KDELR2: variants seen among roughly 807,000 people sequenced by gnomAD.
KDELR2 encodes ER lumen protein-retaining receptor 2.
In KDELR2, 15 loss-of-function variants were observed where a neutral mutation model predicts 23.9. The observed-to-expected ratio is 0.63, with a 90% CI of 0.42 to 0.97. The LOEUF is 0.97. Ranked by LOEUF, KDELR2 falls within the 50% of genes least tolerant of loss-of-function variation. The probability of loss-of-function intolerance (pLI) is 0.00; values close to 1 mark genes in which losing one functional copy is unlikely to be tolerated. For missense variants in KDELR2, 272 were observed against 254.6 expected (o/e 1.07, Z -0.46); for synonymous variants, 119 against 106.2 (o/e 1.12, Z -0.74).
chr7:6,463,350 T>C (rs573238048), intron 4 of KDELR2, among the ~76,000 whole-genome samples, 175 bp from the exon 5 acceptor site: 1 of 152,244 alleles, frequency 6.6e-6, no homozygotes, highest in Non-Finnish European at 1.5e-5. Flanking sequence ...ACTAAATTCA[T>C]AGTGGCTTTT....
chr7:6,468,545 G>A (rs1053836846), intron 3 of KDELR2, among the ~76,000 whole-genome samples: 7 of 151,674 alleles, frequency 4.6e-5, no homozygotes, highest in African/African-American at 1.5e-4. Context: ...TCGCTCTGTC[G>A]CCAAGGCTGG....
chr7:6,464,307 T>C (rs1424647421), intron 4 of KDELR2, among the ~76,000 whole-genome samples: 2 of 138,892 alleles, frequency 1.4e-5, no homozygotes, highest in African/African-American at 2.7e-5. Flanking sequence ...GATCACGAGG[T>C]TGGGAGTTCA....
rs1785592536 is a variant in KDELR2, at chr7:6,469,951, T to C, written c.193-197A>G. The C allele has an allele frequency of 8.8e-6, 4 of 455,590 alleles. No homozygotes were observed. In the South Asian group the frequency reaches 1.4e-4, roughly 16 times the overall value. The allele number at this position is 455,590 out of a possible 1,614,324, so 28.2% of individuals were successfully genotyped here. On this transcript the variant is annotated intron_variant, in intron 2 of 4. Coordinates refer to ENST00000258739, the MANE Select transcript of KDELR2 (RefSeq NM_006854.4). Reference sequence around the variant, plus strand: ...TCTGAGGCATAACCACCACCAAAATTAGGACACAGAATAGTTCCATCATCC... The same window carrying C: ...TCTGAGGCATAACCACCACCAAAATCAGGACACAGAATAGTTCCATCATCC...
chr7:6,471,857 G>A (rs1785650720), intron 2 of KDELR2, among the ~76,000 whole-genome samples: 1 of 151,916 alleles, frequency 6.6e-6, no homozygotes, highest in South Asian at 2.1e-4. Context: ...TCTTGGGTAT[G>A]TACTTAGGGG....
intron 1 of KDELR2, among the ~76,000 whole-genome samples, chr7:6,483,648 C>A (rs1235975274): frequency 6.6e-6 from 1 of 152,210 alleles, no homozygotes; most frequent in Non-Finnish European, 1.5e-5. Context: ...CAGAGAGGGG[C>A]CACGCCTGTC....
Position 6,484,009 on chromosome 7 carries a change from C to G in KDELR2, c.49G>C (p.Val17Leu). Residue 17 changes from valine to leucine, a missense_variant, in exon 1 of 5, where the codon GTC becomes CTC. Coordinates refer to ENST00000258739, the MANE Select transcript of KDELR2 (RefSeq NM_006854.4). ...TGDLSHLAAIVILLLKIWKTR... is the reference protein window; with the variant it reads ...TGDLSHLAAILILLLKIWKTR... Reference sequence around the variant, plus strand: ...TTCCAGATCTTCAGCAGCAGGATGACGATGGCCGCCAGGTGGGACAGGTCC... The same window carrying G: ...TTCCAGATCTTCAGCAGCAGGATGAGGATGGCCGCCAGGTGGGACAGGTCC... The G allele has an allele frequency of 6.5e-7, 1 of 1,529,292 alleles. No individual in the cohort carries two copies. Among genetic ancestry groups the G allele is most frequent in the South Asian group, 1.2e-5 (1 of 84,416 alleles). The allele number at this position is 1,529,292 out of a possible 1,614,324, so 94.7% of individuals were successfully genotyped here.
intron 3 of KDELR2, among the ~76,000 whole-genome samples, chr7:6,469,049 T>A (rs1785566771): frequency 6.6e-6 from 1 of 151,166 alleles, no homozygotes; most frequent in South Asian, 2.1e-4. Context: ...CCTCCCGGGT[T>A]CACGCCATTC....
At chr7:6,480,137 C>T (rs1419339257) in intron 1 of KDELR2, among the ~76,000 whole-genome samples, 9 of 152,090 alleles carry the variant, frequency 5.9e-5, no homozygotes, top group East Asian at 1.9e-4. Flanking sequence ...GGGGAAGGCC[C>T]GGGGTCGTGG....
In KDELR2 at chr7:6,468,537, GCT is replaced by G. The variant is rs1310557527; in HGVS notation, c.351+1057_351+1058del. 3.3e-5 allele frequency among the ~76,000 whole-genome samples: 5 copies of G among 151,704 alleles called. No homozygotes were observed. In the East Asian group the frequency reaches 9.7e-4, roughly 29 times the overall value. ...TTCTTTTTTTTTGAGACAGCGTCTC[GCT>G]CTGTCGCCAAGGCTGGAGTGCAGTA... On this transcript the variant is annotated intron_variant, in intron 3 of 4. Transcript: ENST00000258739.
intron 1 of KDELR2, among the ~76,000 whole-genome samples, chr7:6,479,195 T>A (rs1393328200): frequency 6.6e-6 from 1 of 152,170 alleles, no homozygotes; most frequent in Non-Finnish European, 1.5e-5. Flanking sequence ...TCTCACTCTG[T>A]CACCCAAGCT....
intron 1 of KDELR2, among the ~76,000 whole-genome samples, chr7:6,477,927 A>G (rs182224383): frequency 6.6e-6 from 1 of 152,366 alleles, no homozygotes; most frequent in Admixed American, 6.5e-5. Flanking sequence ...ATCATAATGT[A>G]TCAATTAAAA....
chr7:6,482,557 ATCTCAGTTATGT>A (rs1562504074), intron 1 of KDELR2: 1 of 470,732 alleles, frequency 2.1e-6, no homozygotes. Context: ...TACTTCCCGG[ATCTCAGTTATGT>A]TCCAAGGAGA....
At position 6,462,116 on chromosome 7, in the gene KDELR2, T is replaced by G. The variant is rs1430196539; in HGVS notation, c.*1025A>C. On this transcript the variant is annotated 3_prime_UTR_variant, in exon 5 of 5. Coordinates refer to ENST00000258739, the MANE Select transcript of KDELR2 (RefSeq NM_006854.4). ...CAAAACAAGAAACTACGATGTCGGC[T>G]GCGGGTTAAATAAAAAGAAAACCAC... 6.6e-6 allele frequency: 1 copy of G among 152,100 alleles called. No individual in the cohort carries two copies. The highest frequency in any genetic ancestry group is 2.4e-5 in the African/African-American group (1 of 41,410). The allele number at this position is 152,100 out of a possible 1,614,324, so 9.4% of individuals were successfully genotyped here.
At chr7:6,482,489 T>C in intron 1 of KDELR2, 1 of 441,190 alleles carries the variant, frequency 2.3e-6, no homozygotes. Flanking sequence ...TCAAACACAC[T>C]GGCACATGGA....
At chr7:6,483,256 A>T (rs1785945735) in intron 1 of KDELR2, among the ~76,000 whole-genome samples, 1 of 152,186 alleles carries the variant, frequency 6.6e-6, no homozygotes, top group African/African-American at 2.4e-5. Flanking sequence ...TATTAGATGG[A>T]GGCACTTAAA....
chr7:6,478,117 A>C (rs1452439979), intron 1 of KDELR2, among the ~76,000 whole-genome samples: 1 of 151,598 alleles, frequency 6.6e-6, no homozygotes, highest in Non-Finnish European at 1.5e-5. Flanking sequence ...TTTCCTACCC[A>C]GTGGTATGTA....
In KDELR2 at chr7:6,484,053, T is replaced by A; in HGVS notation, c.5A>T (p.Asn2Ile). 6.6e-7 allele frequency: 1 copy of A among 1,508,540 alleles called. No homozygotes were observed. Among genetic ancestry groups the A allele is most frequent in the Non-Finnish European group, 8.9e-7 (1 of 1,124,962 alleles). 93.4% of individuals were successfully genotyped at this position (1,508,540 alleles called of 1,614,324 possible). Residue 2 changes from asparagine (N) to isoleucine (I), a missense_variant, in exon 1 of 5, where the codon AAC (asparagine) becomes ATC (isoleucine). Asn to Ile is a moderately radical substitution (Grantham distance 149). Transcript: ENST00000258739. M[N>I]IFRLTGDLSH... ...CAGGTCCCCAGTCAGCCGGAAAATG[T>A]TCATGGCGGCGGCGGCGGTGGCGGT...
At chr7:6,472,177 T>G (rs950826228) in intron 2 of KDELR2, among the ~76,000 whole-genome samples, 1 of 151,396 alleles carries the variant, frequency 6.6e-6, no homozygotes, top group African/African-American at 2.4e-5. Flanking sequence ...AAGACACACA[T>G]CCATCTACAC....
intron 2 of KDELR2, among the ~76,000 whole-genome samples, chr7:6,471,841 C>T (rs1214918127): frequency 4.6e-5 from 7 of 151,844 alleles, no homozygotes; most frequent in Admixed American, 4.6e-4. Flanking sequence ...TGTAAGTTTT[C>T]ACTTCTCTTG....
Sources: allele counts gnomAD v4.1 joint callset (sites outside exome capture counted in the v4.1 genomes callset), GRCh38; gene constraint gnomAD v4.1.1; transcripts MANE v1.5; gene names NCBI Gene and HGNC (gene_info 2026-07-23, HGNC 2026-07-21).